SBNO2: variants seen among roughly 807,000 people sequenced by gnomAD.
The protein encoded by SBNO2 is protein strawberry notch homolog 2.
A neutral mutation model predicts 146.3 loss-of-function variants in SBNO2; 89 were observed. The ratio of observed to expected loss-of-function variants is 0.61; its 90% CI spans 0.51 to 0.73. The LOEUF is 0.73. SBNO2 is among the 30% of genes least tolerant of loss of function. SBNO2 has a pLI of 0.00. For synonymous variants in SBNO2, 1,147 were observed against 892.6 expected, an observed-to-expected ratio of 1.29 and a Z score of -5.08; for missense variants, 2,092 against 2,003.7, an observed-to-expected ratio of 1.04 and a Z score of -0.84.
At chr19:1,170,681 A>G (rs2080468664) in intron 1 of SBNO2, among the ~76,000 whole-genome samples, 1 of 152,008 alleles carries the variant, frequency 6.6e-6, no homozygotes, top group Non-Finnish European at 1.5e-5. Context: ...TACAAAACAC[A>G]CGTGCACAAG....
In SBNO2 at chr19:1,124,014, C is replaced by A; in HGVS notation, c.450G>T (p.Gln150His). The A allele has an allele frequency of 6.2e-7, 1 of 1,610,828 alleles. No homozygotes were observed. The highest frequency in any genetic ancestry group is 8.5e-7 in the Non-Finnish European group (1 of 1,178,946). Residue 150 changes from glutamine (Q) to histidine (H), a missense_variant, in exon 6 of 32, where the codon CAG becomes CAT. Physicochemically the swap from Gln to His is conservative, Grantham distance 24. Coordinates refer to ENST00000361757, the MANE Select transcript of SBNO2 (RefSeq NM_014963.3). ...PAPSTHDKLF[Q>H]LSRPFAGFED... ...CGAAGCCTGCAAACGGCCTGCTGAG[C>A]TGGAACAGCTGGAAGGGGAGCAGGA... is the stretch of plus-strand genomic sequence containing the variant.
chr19:1,165,680 C>T (rs1175914585), intron 1 of SBNO2, among the ~76,000 whole-genome samples: 6 of 81,642 alleles, frequency 7.3e-5, no homozygotes, highest in South Asian at 4.9e-4. Context: ...ACCCCAGTAC[C>T]CAGACCCCAG....
Position 1,109,718 on chromosome 19 carries a change from C to A in SBNO2, c.3088G>T (p.Gly1030Trp). Residue 1030 changes from glycine (G) to tryptophan (W), a missense_variant, in exon 27 of 32, where the codon GGG becomes TGG. By Grantham distance (184) the Gly-to-Trp change is radical (BLOSUM62 -2). Coordinates refer to ENST00000361757, the MANE Select transcript of SBNO2 (RefSeq NM_014963.3). This position sits in a 1 kb window ranked among gnomAD's most constrained non-coding sequence, Gnocchi z 4.2. ...ACCACCTGCCCGTCCTGCGGGTGCC[C>A]GGGAGCCAGGAACACCTGCTGGCTC... ...EESQQVFLAP[G>W]HPQDGQVVFY... is the part of the protein sequence containing the mutation. 1 of 1,605,710 alleles carries A rather than the reference C, an allele frequency of 6.2e-7. No individual in the cohort carries two copies.
At position 1,112,780 on chromosome 19, in the gene SBNO2, G is replaced by T; in HGVS notation, c.2379+38C>A. On this transcript the variant is annotated intron_variant, in intron 20 of 31. Coordinates refer to ENST00000361757, the MANE Select transcript of SBNO2 (RefSeq NM_014963.3). The surrounding 1 kb of genome is among the most constrained non-coding windows in gnomAD (Gnocchi z 5.9). ...CCTTGGGCCCCTCTGTGCCTCTTGG[G>T]TCCCGTGGGCCGCGCCCAGTGCACT... 6.5e-7 allele frequency: 1 copy of T among 1,532,246 alleles called. No homozygotes were observed. 94.9% of individuals were successfully genotyped at this position (1,532,246 alleles called of 1,614,324 possible). A position where few individuals can be genotyped will look rare whatever the true frequency, so the allele number is the denominator to read the frequency against.
At chr19:1,119,205 G>T (rs558096534) in intron 13 of SBNO2, 41 bp from the exon 14 acceptor site, 1 of 1,563,034 alleles carries the variant, frequency 6.4e-7, no homozygotes, top group Non-Finnish European at 8.6e-7. Flanking sequence ...GCCAGAGCCC[G>T]TGGGGATGGA....
Position 1,110,645 on chromosome 19 carries a change from C to A in SBNO2, c.3028+100G>T, listed in dbSNP as rs1400513837. The stretch of plus-strand genomic sequence containing the variant: ...CGAGCCCCTCGCCCACCCGGGATGC[C>A]CGGTGTTCCCACGAGCCCCGAGCCC... On this transcript the variant is annotated intron_variant, in intron 26 of 31. Coordinates refer to ENST00000361757, the MANE Select transcript of SBNO2 (RefSeq NM_014963.3). This position sits in a 1 kb window ranked among gnomAD's most constrained non-coding sequence, Gnocchi z 4.9. The A allele has an allele frequency of 7.2e-7, 1 of 1,384,484 alleles. No individual in the cohort carries two copies. The highest frequency in any genetic ancestry group is 9.6e-7 in the Non-Finnish European group (1 of 1,038,370). 85.8% of individuals were successfully genotyped at this position (1,384,484 alleles called of 1,614,324 possible).
intron 5 of SBNO2, 33 bp from the exon 6 acceptor site, chr19:1,124,055 G>A: frequency 6.3e-7 from 1 of 1,594,404 alleles, no homozygotes; most frequent in Non-Finnish European, 8.5e-7. Flanking sequence ...GCCCGGGCCA[G>A]ACGGGACAGG....
At chr19:1,116,427 C>T (rs1489197090) in intron 16 of SBNO2, among the ~76,000 whole-genome samples, 1 of 151,406 alleles carries the variant, frequency 6.6e-6, no homozygotes, top group Non-Finnish European at 1.5e-5. Context: ...GCTCCGACCC[C>T]CAGGCAATGG....
intron 2 of SBNO2, among the ~76,000 whole-genome samples, chr19:1,152,206 C>T (rs1269411546): frequency 6.6e-6 from 1 of 152,208 alleles, no homozygotes; most frequent in East Asian, 1.9e-4. Context: ...CCAGCCCTGT[C>T]GCATTCCCCG....
chr19:1,148,338 G>C (rs2080213761), intron 3 of SBNO2, among the ~76,000 whole-genome samples: 1 of 151,960 alleles, frequency 6.6e-6, no homozygotes, highest in Non-Finnish European at 1.5e-5. Flanking sequence ...CAATCTCCTG[G>C]AGTCTCCCAA....
chr19:1,141,638 T>TGG (rs1012515261), intron 4 of SBNO2, among the ~76,000 whole-genome samples: 24 of 151,564 alleles, frequency 1.6e-4, no homozygotes, highest in African/African-American at 5.4e-4. Flanking sequence ...ACAAACACAG[T>TGG]GGGGCCCTCC....
intron 1 of SBNO2, among the ~76,000 whole-genome samples, chr19:1,159,435 G>A (rs955917348): frequency 7.1e-6 from 1 of 141,582 alleles, no homozygotes; most frequent in Admixed American, 7.0e-5. Flanking sequence ...AGAGACCTTG[G>A]GGGGACGGGG....
Position 1,109,157 on chromosome 19 carries a change from T to C in SBNO2, c.3403A>G (p.Thr1135Ala). 6.4e-7 allele frequency: 1 copy of C among 1,556,228 alleles called. No homozygotes were observed. Among genetic ancestry groups the C allele is most frequent in the Middle Eastern group, 1.7e-4 (1 of 5,980 alleles). ...PWESGYALSL[T>A]HCSHSAWNRH... ...CACCAGGCGCTGTGGCTGCAGTGCG[T>C]CAGCGACAAAGCGTAGCCACTCTCC... The change falls in exon 30 of 32, where the codon ACG becomes GCG. Residue 1135 changes from threonine (T) to alanine (A), a missense_variant. By Grantham distance (58) the Thr-to-Ala change is moderately conservative (BLOSUM62 0). Coordinates refer to ENST00000361757, the MANE Select transcript of SBNO2 (RefSeq NM_014963.3). The surrounding 1 kb of genome is among the most constrained non-coding windows in gnomAD (Gnocchi z 4.2).
intron 4 of SBNO2, among the ~76,000 whole-genome samples, chr19:1,133,951 CGT>C (rs2080060434): frequency 6.6e-6 from 1 of 152,340 alleles, no homozygotes; most frequent in South Asian, 2.1e-4. Flanking sequence ...TGCACTCCCA[CGT>C]GCCATCAGGA....
At position 1,111,004 on chromosome 19, in the gene SBNO2, G is replaced by A; in HGVS notation, c.2884+15C>T. ...GAGACAGGAGCGCCTCTGGGCCTGGGTGTGGGGCACTCACCCTTCTCCACG... is the reference window on the plus strand; with the variant it reads ...GAGACAGGAGCGCCTCTGGGCCTGGATGTGGGGCACTCACCCTTCTCCACG... On this transcript the variant is annotated intron_variant, in intron 25 of 31. Coordinates refer to ENST00000361757, the MANE Select transcript of SBNO2 (RefSeq NM_014963.3). The A allele has an allele frequency of 1.3e-6, 2 of 1,597,536 alleles. No individual in the cohort carries two copies. Among genetic ancestry groups the A allele is most frequent in the African/African-American group, 2.7e-5 (2 of 74,620 alleles).
chr19:1,167,255 G>A (rs972891647), intron 1 of SBNO2, among the ~76,000 whole-genome samples: 3 of 152,268 alleles, frequency 2.0e-5, no homozygotes, highest in Non-Finnish European at 4.4e-5. Flanking sequence ...CTCCAGGTTC[G>A]CCAGTGCGGC....
At chr19:1,153,159 T>C (rs2080257913) in intron 2 of SBNO2, among the ~76,000 whole-genome samples, 3 of 150,484 alleles carry the variant, frequency 2.0e-5, no homozygotes, top group Non-Finnish European at 1.5e-5. Context: ...GTTTTAAAAA[T>C]AACAAAACAA....
rs778068385 is a variant in SBNO2, at chr19:1,109,733, C to G, written c.3073G>C (p.Val1025Leu). The G allele has an allele frequency of 6.2e-7, 1 of 1,606,908 alleles. No individual in the cohort carries two copies. The highest frequency in any genetic ancestry group is 1.1e-5 in the South Asian group (1 of 90,530). ...IEEIYEESQQ[V>L]FLAPGHPQDG... is the part of the protein sequence containing the mutation. ...TGCGGGTGCCCGGGAGCCAGGAACA[C>G]CTGCTGGCTCTCCTCGTAGATCTCC... The change falls in exon 27 of 32, where the codon GTG (valine) becomes CTG (leucine). Residue 1025 changes from valine to leucine, a missense_variant. Transcript: ENST00000361757. This position sits in a 1 kb window ranked among gnomAD's most constrained non-coding sequence, Gnocchi z 4.2.
Position 1,145,690 on chromosome 19 carries a change from C to T in SBNO2, c.279+1619G>A, listed in dbSNP as rs2145293500. Among the ~76,000 whole-genome samples, 3 of 152,204 alleles carry T rather than the reference C, an allele frequency of 2.0e-5. 1 individual carries two copies. In the South Asian group the frequency reaches 6.2e-4, roughly 32 times the overall value. On this transcript the variant is annotated intron_variant, in intron 4 of 31. Transcript: ENST00000361757. ...CCCCTGAAGGGTGGGGCACAGATGC[C>T]AGCTCTGGACAGGCGCCTCCCCTGC... is the stretch of plus-strand genomic sequence containing the variant.
Sources: allele counts gnomAD v4.1 joint callset (sites outside exome capture counted in the v4.1 genomes callset), GRCh38; gene constraint gnomAD v4.1.1; non-coding constraint Gnocchi (gnomAD v3.1); transcripts MANE v1.5; gene names NCBI Gene and HGNC (gene_info 2026-07-23, HGNC 2026-07-21).